Variants in PCNX3 observed in about 807,000 individuals in gnomAD.
PCNX3 encodes pecanex 3, also known as pecanex-like protein 3.
A neutral mutation model predicts 207.2 loss-of-function variants in PCNX3; 58 were observed. The observed-to-expected ratio is 0.28, with a 90% CI of 0.23 to 0.35. The LOEUF (loss-of-function observed/expected upper bound fraction) is 0.35, where lower values mean the gene tolerates loss of function less well. PCNX3 is among the 10% of genes least tolerant of loss of function. The pLI is 1.00. For missense variants in PCNX3, 2,410 were observed against 2,774.4 expected, an observed-to-expected ratio of 0.87 and a Z score of 2.95; for synonymous variants, 1,337 against 1,183.5, an observed-to-expected ratio of 1.13 and a Z score of -2.66.
At chr11:65,628,151 G>A (rs116419871) in intron 22 of PCNX3, among the ~76,000 whole-genome samples, 4,172 of 152,252 alleles carry the variant, frequency 0.027, 182 homozygotes, top group African/African-American at 0.094. Flanking sequence ...TTGTTTTCTG[G>A]CCTGGCCCAG....
intron 22 of PCNX3, 135 bp downstream of exon 22, chr11:65,627,717 C>A: frequency 9.0e-7 from 1 of 1,117,084 alleles, no homozygotes; most frequent in Non-Finnish European, 1.3e-6. Flanking sequence ...TTGCAGCAGC[C>A]TCTCAAGGAA....
At position 65,636,539 on chromosome 11, in the gene PCNX3, G is replaced by A; in HGVS notation, c.5742G>A (p.Glu1914=). The A allele has an allele frequency of 6.3e-7, 1 of 1,592,932 alleles. No individual in the cohort carries two copies. Among genetic ancestry groups the A allele is most frequent in the Non-Finnish European group, 8.5e-7 (1 of 1,171,462 alleles). ...CCCCTGCATCGCCTATCCCCACAGA[G>A]GGTCCCCGGACCTCACGGCCCCCTG... The part of the protein sequence containing the change: ...GPPPASPIPT[E]GPRTSRPPGP... The change falls in exon 34 of 35, where the codon GAG becomes GAA. Residue 1914 remains glutamate, a synonymous_variant. Transcript: ENST00000355703.
chr11:65,627,238 C>T, intron 21 of PCNX3, among the ~76,000 whole-genome samples, 167 bp from the exon 22 acceptor site: 1 of 152,192 alleles, frequency 6.6e-6, no homozygotes. Flanking sequence ...CCACCACTCC[C>T]TTTGGAAGAG....
At chr11:65,630,927 A>G (rs1402124415) in intron 27 of PCNX3, among the ~76,000 whole-genome samples, 1 of 152,260 alleles carries the variant, frequency 6.6e-6, no homozygotes, top group Non-Finnish European at 1.5e-5. Context: ...GAGCAGTGGT[A>G]GAGCTAACAG....
At chr11:65,619,687 G>A (rs767369650) in intron 7 of PCNX3, 27 bp downstream of exon 7, 6 of 1,579,094 alleles carry the variant, frequency 3.8e-6, no homozygotes, top group East Asian at 4.6e-5. Context: ...CTGTGCCGAG[G>A]GGCACCGGGG....
intron 3 of PCNX3, 37 bp downstream of exon 3, chr11:65,617,386 C>T (rs773146298): frequency 2.5e-6 from 4 of 1,613,254 alleles, no homozygotes; most frequent in Non-Finnish European, 3.4e-6. Context: ...CCTCCTGTCC[C>T]TCTGCGAGCC....
chr11:65,637,190 A>C lies in PCNX3; in HGVS notation c.*212A>C, dbSNP rs1475625623. ...CCCCAGTCCAGGGCCTGGGCTCCCCAGATGGAGGCAGTCAGCCTCCCAGCC... is the reference window on the plus strand; with the variant it reads ...CCCCAGTCCAGGGCCTGGGCTCCCCCGATGGAGGCAGTCAGCCTCCCAGCC... On this transcript the variant is annotated 3_prime_UTR_variant, in exon 35 of 35. Transcript: ENST00000355703. The C allele has an allele frequency of 3.4e-6, 2 of 591,064 alleles. No homozygotes were observed. Among genetic ancestry groups the C allele is most frequent in the East Asian group, 2.9e-5 (1 of 34,530 alleles). 36.6% of individuals were successfully genotyped at this position (591,064 alleles called of 1,614,324 possible). A position where few individuals can be genotyped will look rare whatever the true frequency, so the allele number is the denominator to read the frequency against.
At chr11:65,626,242 T>C (rs1434527084) in intron 20 of PCNX3, 188 bp downstream of exon 20, 1 of 833,986 alleles carries the variant, frequency 1.2e-6, no homozygotes, top group South Asian at 1.4e-5. Flanking sequence ...ACTCTTCTCC[T>C]CGTGCCCTGC....
rs536954055 is a variant in PCNX3 at position 65,629,742 on chromosome 11, C to T, written c.4216+7C>T. On this transcript the variant is annotated splice_region_variant and intron_variant, in intron 26 of 34. Transcript: ENST00000355703. ...CGTGGCCTTGAGTTCCGGGGTGAGC[C>T]GCAGGACCAGGCTCGGGTGGGCAGG... The T allele has an allele frequency of 1.1e-5, 17 of 1,549,418 alleles. No homozygotes were observed. Among genetic ancestry groups the T allele is most frequent in the East Asian group, 2.4e-5 (1 of 40,934 alleles).
At position 65,619,935 on chromosome 11, in the gene PCNX3, G is replaced by A. The variant is rs1048319694; in HGVS notation, c.2008+3G>A. On this transcript the variant is annotated splice_donor_region_variant and intron_variant, in intron 8 of 34. Coordinates refer to ENST00000355703, the MANE Select transcript of PCNX3 (RefSeq NM_032223.4). ...GCACTATTTCTACGATGAGAGCGGTGAGCCTTTCCCAAGCCCGGTGGCCCA... is the reference window on the plus strand; with the variant it reads ...GCACTATTTCTACGATGAGAGCGGTAAGCCTTTCCCAAGCCCGGTGGCCCA... 1.3e-6 allele frequency: 2 copies of A among 1,595,372 alleles called. No individual in the cohort carries two copies. Among genetic ancestry groups the A allele is most frequent in the East Asian group, 2.2e-5 (1 of 44,532 alleles).
In PCNX3 at chr11:65,625,758, G is replaced by C. The variant is rs1176436662; in HGVS notation, c.3228+14G>C. The C allele has an allele frequency of 4.4e-6, 7 of 1,605,788 alleles. No individual in the cohort carries two copies. Among genetic ancestry groups the C allele is most frequent in the Non-Finnish European group, 5.9e-6 (7 of 1,178,170 alleles). The stretch of plus-strand genomic sequence containing the variant: ...ATTGCCCTGAAGGTTTGTGTGGCAT[G>C]GGCCGCTGCTGCCTCTCGCTGTCTT... On this transcript the variant is annotated intron_variant, in intron 19 of 34. Coordinates refer to ENST00000355703, the MANE Select transcript of PCNX3 (RefSeq NM_032223.4). The surrounding 1 kb of genome is among the most constrained non-coding windows in gnomAD (Gnocchi z 5.6).
chr11:65,634,729 C>T (rs1855756122), intron 29 of PCNX3, 88 bp downstream of exon 29: 1 of 1,333,362 alleles, frequency 7.5e-7, no homozygotes, highest in Admixed American at 2.2e-5. Context: ...CCACAGTGGC[C>T]ACAGAAACTG....
intron 9 of PCNX3, among the ~76,000 whole-genome samples, 172 bp from the exon 10 acceptor site, chr11:65,620,659 G>T (rs1374320854): frequency 6.6e-6 from 1 of 152,208 alleles, no homozygotes; most frequent in Non-Finnish European, 1.5e-5. Context: ...CGACACTCGT[G>T]CCAGGGTCTG....
chr11:65,623,325 CCG>C (rs1428274000), intron 11 of PCNX3, among the ~76,000 whole-genome samples, 164 bp from the exon 12 acceptor site: 2 of 152,226 alleles, frequency 1.3e-5, no homozygotes, highest in African/African-American at 2.4e-5. Context: ...GCAGGTGCTG[CCG>C]GGCCGCGTCG....
intron 15 of PCNX3, 73 bp from the exon 16 acceptor site, chr11:65,624,852 G>A (rs1015596212): frequency 1.4e-6 from 2 of 1,439,682 alleles, no homozygotes; most frequent in African/African-American, 1.4e-5. Flanking sequence ...TGGGAGTTGA[G>A]GGGAAGCGCG....
chr11:65,621,519 C>CG (rs1215128826), intron 10 of PCNX3, among the ~76,000 whole-genome samples: 2 of 152,242 alleles, frequency 1.3e-5, no homozygotes, highest in East Asian at 3.8e-4. Flanking sequence ...AAAGGGTACC[C>CG]GGCACCTGAC....
At position 65,626,844 on chromosome 11, in the gene PCNX3, C is replaced by A. The variant is rs760620047; in HGVS notation, c.3380-60C>A. ...CACAGCCTGCCCTCCTAGGGAAGGA[C>A]TTCCTCAGGGAAGGCAGGCATGTGG... On this transcript the variant is annotated intron_variant, in intron 20 of 34. Coordinates refer to ENST00000355703, the MANE Select transcript of PCNX3 (RefSeq NM_032223.4). The A allele has an allele frequency of 3.2e-6, 5 of 1,552,792 alleles. No individual in the cohort carries two copies. In the South Asian group the frequency reaches 5.9e-5, roughly 18 times the overall value.
At position 65,635,251 on chromosome 11, in the gene PCNX3, C is replaced by G. The variant is rs972218068; in HGVS notation, c.4987C>G (p.Pro1663Ala). The change falls in exon 31 of 35, where the codon CCA (proline) becomes GCA (alanine). Residue 1663 changes from proline (P) to alanine (A), a missense_variant. Pro to Ala is a conservative substitution (Grantham distance 27, BLOSUM62 -1). This residue lies in a region of PCNX3 where 420 missense variants were observed against 705.3 expected (regional missense o/e 0.60). Coordinates refer to ENST00000355703, the MANE Select transcript of PCNX3 (RefSeq NM_032223.4). The surrounding 1 kb of genome is among the most constrained non-coding windows in gnomAD (Gnocchi z 9.9). The stretch of plus-strand genomic sequence containing the variant: ...CACGTCCCCAGATGAATATGAGGAG[C>G]CAGCAGCCCTATACGATGCCATTGC... ...HFTSPDEYEE[P>A]AALYDAIAAN... 1.9e-6 allele frequency: 3 copies of G among 1,586,306 alleles called. No homozygotes were observed. Among genetic ancestry groups the G allele is most frequent in the East Asian group, 2.3e-5 (1 of 43,122 alleles).
rs1462384229 is a variant in PCNX3 at position 65,616,848 on chromosome 11, G to C, written c.178G>C (p.Ala60Pro). 2.5e-6 allele frequency: 4 copies of C among 1,612,878 alleles called. No individual in the cohort carries two copies. The highest frequency in any genetic ancestry group is 3.4e-6 in the Non-Finnish European group (4 of 1,179,374). Residue 60 changes from alanine to proline, a missense_variant, in exon 2 of 35, where the codon GCC (alanine) becomes CCC (proline). Around this residue, in one of 8 missense-constraint regions of PCNX3, gnomAD observed 1,104 missense variants for 970.3 expected, o/e 1.14. Transcript: ENST00000355703. ...YMVLPPSLMV[A>P]GVYCLVVAVI... Reference sequence around the variant, plus strand: ...GGTCCTGCCTCCCAGCTTGATGGTGGCCGGCGTGTACTGCCTCGTGGTGGC... The same window carrying C: ...GGTCCTGCCTCCCAGCTTGATGGTGCCCGGCGTGTACTGCCTCGTGGTGGC...
Sources: allele counts gnomAD v4.1 joint callset (sites outside exome capture counted in the v4.1 genomes callset), GRCh38; gene constraint gnomAD v4.1.1; regional missense constraint gnomAD v4.1.1; non-coding constraint Gnocchi (gnomAD v3.1); transcripts MANE v1.5; gene names NCBI Gene and HGNC (gene_info 2026-07-23, HGNC 2026-07-21).